The following ABCD4 variants were observed in gnomAD, a reference collection of about 807,000 sequenced individuals.
ABCD4 encodes ATP binding cassette subfamily D member 4.
Under a neutral mutation model 86.3 loss-of-function variants are expected in ABCD4, and 53 were observed. The ratio of observed to expected loss-of-function variants is 0.61; its 90% CI spans 0.49 to 0.77. The LOEUF (loss-of-function observed/expected upper bound fraction) is 0.77. Among genes scored for constraint, ABCD4 ranks in the 30% least tolerant of loss-of-function variants. ABCD4 has a pLI of 0.00. For synonymous variants in ABCD4, 328 were observed against 313.6 expected (o/e 1.05, Z -0.49); for missense variants, 757 against 764.5 (o/e 0.99, Z 0.12).
At chr14:74,301,003 C>T (rs1396300561) in intron 1 of ABCD4, among the ~76,000 whole-genome samples, 1 of 151,956 alleles carries the variant, frequency 6.6e-6, no homozygotes, top group Non-Finnish European at 1.5e-5. Context: ...CAGGTGCATG[C>T]CACCACGCCC....
rs1429449100 is a variant in ABCD4 at position 74,302,878 on chromosome 14, G to A, written c.35C>T (p.Ala12Val). ...AVAGPAPGAG[A>V]RPRLDLQFLQ... ...CCTCCCCGACCGCCCTGCTTACCTGGCGCCAGCTCCGGGCGCGGGCCCCGC... is the reference window on the plus strand; with the variant it reads ...CCTCCCCGACCGCCCTGCTTACCTGACGCCAGCTCCGGGCGCGGGCCCCGC... The change falls in exon 1 of 19, where the codon GCC (alanine) becomes GTC (valine). Residue 12 changes from alanine to valine, a missense_variant. Ala to Val is a moderately conservative substitution (Grantham distance 64). Transcript: ENST00000356924. 7.5e-6 allele frequency: 12 copies of A among 1,607,246 alleles called. No individual in the cohort carries two copies. In the African/African-American group the frequency reaches 1.3e-4, roughly 18 times the overall value.
rs1384266007 is a variant in ABCD4, at chr14:74,290,464, G to A, written c.1154C>T (p.Thr385Ile). 3 of 1,613,990 alleles carry A rather than the reference G, an allele frequency of 1.9e-6. No individual in the cohort carries two copies. The highest frequency in any genetic ancestry group is 2.2e-5 in the East Asian group (1 of 44,872). ...PGWPAAEPADTAFLLERVSIS... is the reference protein window; with the variant it reads ...PGWPAAEPADIAFLLERVSIS... ...GGAGACCCGCTCAAGGAGAAATGCT[G>A]TGTCTGCTGGCTCTGCCGCTGGCCA... The change falls in exon 12 of 19, where the codon ACA (threonine) becomes ATA (isoleucine). Residue 385 changes from threonine (T) to isoleucine (I), a missense_variant. By Grantham distance (89) the Thr-to-Ile change is moderately conservative. Coordinates refer to ENST00000356924, the MANE Select transcript of ABCD4 (RefSeq NM_005050.4).
chr14:74,291,471 A>C (rs1805909669), intron 11 of ABCD4, among the ~76,000 whole-genome samples: 1 of 152,254 alleles, frequency 6.6e-6, no homozygotes, highest in Non-Finnish European at 1.5e-5. Context: ...ATGGCATCAC[A>C]GTGTGACCAG....
Position 74,294,870 on chromosome 14 carries a change from G to A in ABCD4, c.719+278C>T, listed in dbSNP as rs2082439568. 3 of 488,030 alleles carry A rather than the reference G, an allele frequency of 6.1e-6. No individual in the cohort carries two copies. In the South Asian group the frequency reaches 8.8e-5, roughly 14 times the overall value. The allele number at this position is 488,030 out of a possible 1,614,324, so 30.2% of individuals were successfully genotyped here. Reference sequence around the variant, plus strand: ...ACGGATGTCTTACAGTCACCAGCAAGAGGATGAGGCATTCATTCATTTGAC... The same window carrying A: ...ACGGATGTCTTACAGTCACCAGCAAAAGGATGAGGCATTCATTCATTTGAC... On this transcript the variant is annotated intron_variant, in intron 7 of 18. Transcript: ENST00000356924.
intron 5 of ABCD4, 63 bp downstream of exon 5, chr14:74,296,270 C>G (rs2082830570): frequency 1.3e-6 from 2 of 1,513,410 alleles, no homozygotes; most frequent in Non-Finnish European, 1.8e-6. Flanking sequence ...TGGACCTTGA[C>G]CTGGGAGAGC....
chr14:74,293,222 G>A lies in ABCD4; in HGVS notation c.746C>T (p.Thr249Ile). Residue 249 changes from threonine (T) to isoleucine (I), a missense_variant, in exon 8 of 19, where the codon ACA becomes ATA. Transcript: ENST00000356924. ...YRAGHVEHMR[T>I]DRRLQRLLQT... ...AAGGAGTCTCTGCAGCCTGCGGTCT[G>A]TCCTCATGTGCTCCACATGCCCAGC... 6.2e-7 allele frequency: 1 copy of A among 1,614,172 alleles called. No individual in the cohort carries two copies. Among genetic ancestry groups the A allele is most frequent in the Non-Finnish European group, 8.5e-7 (1 of 1,180,028 alleles).
intron 11 of ABCD4, 91 bp downstream of exon 11, chr14:74,292,196 A>C (rs1314286430): frequency 8.3e-7 from 1 of 1,207,324 alleles, no homozygotes; most frequent in Non-Finnish European, 1.2e-6. Context: ...TCTGCTGCCC[A>C]GCTGGGAAAG....
intron 3 of ABCD4, among the ~76,000 whole-genome samples, chr14:74,298,501 C>A (rs1347244038): frequency 6.6e-6 from 1 of 152,108 alleles, no homozygotes; most frequent in Non-Finnish European, 1.5e-5. Context: ...GAACTCCCGA[C>A]CTCAGGTGAT....
chr14:74,300,344 C>T, intron 1 of ABCD4, 76 bp from the exon 2 acceptor site: 1 of 961,290 alleles, frequency 1.0e-6, no homozygotes, highest in Non-Finnish European at 1.7e-6. Flanking sequence ...TAAGCTCATC[C>T]ACATTGTTCT....
Position 74,292,276 on chromosome 14 carries a change from C to A in ABCD4, c.1118+11G>T, listed in dbSNP as rs775984530. ...CAGCCTCAACTACTGCTCTGCCAGC[C>A]CGCTACTCACGTGTCCAAGCCCCAC... On this transcript the variant is annotated intron_variant, in intron 11 of 18. Transcript: ENST00000356924. The A allele has an allele frequency of 1.9e-6, 3 of 1,613,600 alleles. No individual in the cohort carries two copies. In the African/African-American group the frequency reaches 4.0e-5, roughly 22 times the overall value.
At position 74,290,281 on chromosome 14, in the gene ABCD4, T is replaced by G; in HGVS notation, c.1327+10A>C. On this transcript the variant is annotated intron_variant, in intron 12 of 18. Coordinates refer to ENST00000356924, the MANE Select transcript of ABCD4 (RefSeq NM_005050.4). ...GGCTGGGTCAGAGGCAGGGAGGGCCTGGCTCTCACCCCGTGTACTCGTCCA... is the reference window on the plus strand; with the variant it reads ...GGCTGGGTCAGAGGCAGGGAGGGCCGGGCTCTCACCCCGTGTACTCGTCCA... The G allele has an allele frequency of 6.2e-7, 1 of 1,614,138 alleles. No homozygotes were observed. Among genetic ancestry groups the G allele is most frequent in the Non-Finnish European group, 8.5e-7 (1 of 1,180,014 alleles).
At chr14:74,293,017 A>G in intron 8 of ABCD4, 137 bp downstream of exon 8, 1 of 1,454,590 alleles carries the variant, frequency 6.9e-7, no homozygotes, top group East Asian at 2.3e-5. Context: ...GAAAGGCAAC[A>G]GCCCCCCCTC....
chr14:74,292,720 AT>A, intron 9 of ABCD4, 27 bp downstream of exon 9: 1 of 1,613,980 alleles, frequency 6.2e-7, no homozygotes, highest in Non-Finnish European at 8.5e-7. Flanking sequence ...GAGGGACAGC[AT>A]GTGGGGTGAC....
chr14:74,291,684 A>G (rs1175481522), intron 11 of ABCD4, among the ~76,000 whole-genome samples: 2 of 152,210 alleles, frequency 1.3e-5, no homozygotes, highest in African/African-American at 4.8e-5. Flanking sequence ...AAGAAAAGCA[A>G]GTTGAGTGTA....
In ABCD4 at chr14:74,288,754, C is replaced by G; in HGVS notation, c.1468G>C (p.Asp490His). ...TCCAAGAACCTCAAGATCCTCTCAT[C>G]ATCGGCAGAACCTGCACAACAAAGA... ...EVYPDSGSAD[D>H]ERILRFLELA... Residue 490 changes from aspartate (D) to histidine (H), a missense_variant, in exon 15 of 19, where the codon GAT (aspartate) becomes CAT (histidine). Asp to His is a moderately conservative substitution (Grantham distance 81, BLOSUM62 -1). Transcript: ENST00000356924. 1 of 1,613,728 alleles carries G rather than the reference C, an allele frequency of 6.2e-7. No homozygotes were observed. Among genetic ancestry groups the G allele is most frequent in the Non-Finnish European group, 8.5e-7 (1 of 1,179,892 alleles).
chr14:74,287,827 A>G lies in ABCD4; in HGVS notation c.1619T>C (p.Leu540Pro), dbSNP rs1207073453. ...QRLSFARLFY[L>P]QPKYAVLDEA... ...GACCTCACCTGCGTACTTCGGCTGC[A>G]GGTAGAAGAGTCGGGCAAAGGAGAG... is the stretch of plus-strand genomic sequence containing the variant. The change falls in exon 17 of 19, where the codon CTG (leucine) becomes CCG (proline). Residue 540 changes from leucine (L) to proline (P), a missense_variant. By Grantham distance (98) the Leu-to-Pro change is moderately conservative (BLOSUM62 -3). Coordinates refer to ENST00000356924, the MANE Select transcript of ABCD4 (RefSeq NM_005050.4). 2 of 1,612,570 alleles carry G rather than the reference A, an allele frequency of 1.2e-6. No individual in the cohort carries two copies. Among genetic ancestry groups the G allele is most frequent in the Admixed American group, 1.7e-5 (1 of 59,856 alleles).
intron 3 of ABCD4, 102 bp downstream of exon 3, chr14:74,299,446 C>T (rs2083733417): frequency 6.9e-7 from 1 of 1,457,490 alleles, no homozygotes; most frequent in South Asian, 1.2e-5. Context: ...AAACACACCC[C>T]CACAGCTTGC....
intron 11 of ABCD4, 55 bp from the exon 12 acceptor site, chr14:74,290,554 T>C (rs1198932459): frequency 1.4e-6 from 2 of 1,417,050 alleles, no homozygotes; most frequent in Non-Finnish European, 2.0e-6. Context: ...AGTATTGCTG[T>C]GGGGGAGGCA....
chr14:74,299,483 A>G (rs1289740343), intron 3 of ABCD4, 65 bp downstream of exon 3: 2 of 1,589,038 alleles, frequency 1.3e-6, no homozygotes, highest in Non-Finnish European at 1.7e-6. Context: ...GCTAAGTTCC[A>G]CTAGGCATTA....
Sources: gnomAD v4.1 joint callset for allele counts (sites outside exome capture counted in the v4.1 genomes callset) on GRCh38, gnomAD v4.1.1 for gene constraint, MANE v1.5 for transcripts, NCBI Gene and HGNC (gene_info 2026-07-23, HGNC 2026-07-21) for gene names.